Variants in IARS1 observed in about 807,000 individuals in gnomAD.
IARS1 encodes the protein isoleucyl-tRNA synthetase 1.
Under a neutral mutation model 168.2 loss-of-function variants are expected in IARS1, and 124 were observed. The ratio of observed to expected loss-of-function variants is 0.74; its 90% confidence interval spans 0.64 to 0.86. IARS1 has a LOEUF of 0.86. IARS1 is among the 40% of genes least tolerant of loss of function. The pLI is 0.00. For missense variants in IARS1, 1,452 were observed against 1,515.8 expected, an observed-to-expected ratio of 0.96 and a Z score of 0.70; for synonymous variants, 532 against 529.4, an observed-to-expected ratio of 1.00 and a Z score of -0.07.
chr9:92,288,761 C>T lies in IARS1; in HGVS notation c.120-479G>A, dbSNP rs962757656. 9.2e-5 allele frequency among the ~76,000 whole-genome samples: 14 copies of T among 152,074 alleles called. No individual in the cohort carries two copies. The South Asian group carries it at 2.3e-3, about 25-fold the overall frequency. ...AAATAAAGGTGGAAAGAGGGTGACA[C>T]GGAGGATGACACATAAATTTTACTC... is the stretch of plus-strand genomic sequence containing the variant. On this transcript the variant is annotated intron_variant, in intron 2 of 33. Coordinates refer to ENST00000443024, the MANE Select transcript of IARS1 (RefSeq NM_002161.6).
At chr9:92,286,060 C>A in intron 5 of IARS1, 2 of 452,696 alleles carry the variant, frequency 4.4e-6, no homozygotes, top group Non-Finnish European at 8.0e-6. Flanking sequence ...ATATTTAACA[C>A]ATAATGTTAA....
At chr9:92,271,423 A>G (rs1833012772) in intron 11 of IARS1, 110 bp downstream of exon 11, 2 of 1,401,878 alleles carry the variant, frequency 1.4e-6, no homozygotes, top group South Asian at 2.4e-5. Flanking sequence ...TCATGCGATG[A>G]CAAAACCAAA....
chr9:92,293,275 G>C (rs963258775), intron 1 of IARS1, among the ~76,000 whole-genome samples: 2 of 152,058 alleles, frequency 1.3e-5, no homozygotes, highest in Non-Finnish European at 2.9e-5. Context: ...TATTCATGGT[G>C]ACTGAAGTAA....
rs779231005 is a variant in IARS1, at chr9:92,291,564, G to A, written c.-8+2047C>T. Among the ~76,000 whole-genome samples, 161 of 152,162 alleles carry A rather than the reference G, an allele frequency of 1.1e-3. 1 individual carries two copies. Among genetic ancestry groups the A allele is most frequent in the Admixed American group, 9.8e-4 (15 of 15,280 alleles). ...AAATAGCTATTTCTGATCACAGTAT[G>A]CCATTAAAAGGTATTAAACAGAAGG... On this transcript the variant is annotated intron_variant, in intron 1 of 33. Coordinates refer to ENST00000443024, the MANE Select transcript of IARS1 (RefSeq NM_002161.6).
chr9:92,211,248 CTG>C (rs1471216143), intron 33 of IARS1, among the ~76,000 whole-genome samples: 1 of 152,174 alleles, frequency 6.6e-6, no homozygotes, highest in Non-Finnish European at 1.5e-5. Context: ...TCAACAGAAA[CTG>C]GACACCAAGG....
chr9:92,232,993 C>G (rs981475031), intron 30 of IARS1, among the ~76,000 whole-genome samples: 4 of 152,206 alleles, frequency 2.6e-5, no homozygotes, highest in Non-Finnish European at 4.4e-5. Flanking sequence ...AAACTCTAAA[C>G]TTAAGTCTTT....
chr9:92,288,019 T>C, intron 3 of IARS1, 107 bp downstream of exon 3: 3 of 1,425,872 alleles, frequency 2.1e-6, no homozygotes, highest in Non-Finnish European at 2.9e-6. Flanking sequence ...AGAAATGAAC[T>C]AGAAGGTCTG....
At chr9:92,253,516 G>T in intron 20 of IARS1, 63 bp from the exon 21 acceptor site, 1 of 1,050,586 alleles carries the variant, frequency 9.5e-7, no homozygotes, top group South Asian at 1.3e-5. Context: ...GTGGGGAGAG[G>T]GTTGGATACA....
At chr9:92,279,543 T>C (rs1386297490) in intron 7 of IARS1, among the ~76,000 whole-genome samples, 2 of 152,150 alleles carry the variant, frequency 1.3e-5, no homozygotes, top group East Asian at 1.9e-4. Context: ...AAAGAACAAA[T>C]AAAAAACTCC....
intron 22 of IARS1, 115 bp downstream of exon 22, chr9:92,251,693 T>C: frequency 8.5e-6 from 6 of 707,620 alleles, no homozygotes; most frequent in East Asian, 2.5e-5. Flanking sequence ...AAAACTTCTA[T>C]ATCTATTTTT....
intron 33 of IARS1, among the ~76,000 whole-genome samples, chr9:92,211,290 A>G (rs1327176861): frequency 2.6e-5 from 4 of 152,188 alleles, no homozygotes; most frequent in African/African-American, 9.6e-5. Flanking sequence ...TTGGTAATAT[A>G]GTCTCTGTGT....
At chr9:92,242,989 G>A in intron 28 of IARS1, 2 of 436,274 alleles carry the variant, frequency 4.6e-6, no homozygotes, top group Admixed American at 3.5e-5. Context: ...CTAAAAAAAA[G>A]GATGGGAAAA....
At chr9:92,224,815 C>T (rs763396822) in intron 31 of IARS1, among the ~76,000 whole-genome samples, 3 of 150,448 alleles carry the variant, frequency 2.0e-5, no homozygotes, top group South Asian at 2.1e-4. Context: ...CCTGAGTGAT[C>T]GAGTGAGACC....
At chr9:92,227,782 G>A (rs942537415) in intron 31 of IARS1, among the ~76,000 whole-genome samples, 87 of 151,850 alleles carry the variant, frequency 5.7e-4, no homozygotes, top group Admixed American at 3.9e-3. Flanking sequence ...TGGGATGGCG[G>A]CCGGGAAGAG....
At chr9:92,274,836 G>C (rs147664604) in intron 9 of IARS1, among the ~76,000 whole-genome samples, 1 of 152,108 alleles carries the variant, frequency 6.6e-6, no homozygotes, top group Non-Finnish European at 1.5e-5. Flanking sequence ...TGCAGTTTAG[G>C]ATACAGTCTC....
intron 1 of IARS1, among the ~76,000 whole-genome samples, chr9:92,290,766 A>G (rs868304747): frequency 6.6e-6 from 1 of 152,138 alleles, no homozygotes; most frequent in African/African-American, 2.4e-5. Flanking sequence ...TGGAAATTCT[A>G]TCTAGTGGTG....
chr9:92,219,871 G>T (rs1261767999), intron 33 of IARS1, among the ~76,000 whole-genome samples: 1 of 151,308 alleles, frequency 6.6e-6, no homozygotes, highest in Non-Finnish European at 1.5e-5. Context: ...GATTCCTCAG[G>T]GATCTAGAAC....
rs1227097794 is a variant in IARS1 at position 92,261,582 on chromosome 9, T to C, written c.1788-1348A>G. Among the ~76,000 whole-genome samples, 3 of 152,330 alleles carry C rather than the reference T, an allele frequency of 2.0e-5. No individual in the cohort carries two copies. In the East Asian group the frequency reaches 5.8e-4, roughly 29 times the overall value. ...ATGCGTATAAGCAAATAAGTATATG[T>C]AAAACTAGAGAAATCTGAATACGAT... On this transcript the variant is annotated intron_variant, in intron 17 of 33. Coordinates refer to ENST00000443024, the MANE Select transcript of IARS1 (RefSeq NM_002161.6).
chr9:92,290,401 T>G (rs1268615371), intron 1 of IARS1, among the ~76,000 whole-genome samples: 2 of 152,192 alleles, frequency 1.3e-5, no homozygotes, highest in Non-Finnish European at 2.9e-5. Flanking sequence ...GCTCTTTTTG[T>G]GGTTGGGTTT....
Sources: gnomAD v4.1 joint callset for allele counts (sites outside exome capture counted in the v4.1 genomes callset) on GRCh38, gnomAD v4.1.1 for gene constraint, MANE v1.5 for transcripts, NCBI Gene and HGNC (gene_info 2026-07-23, HGNC 2026-07-21) for gene names.